Variants in NOL8 observed in about 807,000 individuals in gnomAD.
The protein encoded by NOL8 is nucleolar protein Nop132.
In NOL8, 93 loss-of-function variants were observed where a neutral mutation model predicts 116.1. That is an observed-to-expected ratio of 0.80 (90% CI 0.68 to 0.95). NOL8 has a LOEUF of 0.95. Among genes scored for constraint, NOL8 ranks in the 40% least tolerant of loss-of-function variants. The probability of loss-of-function intolerance (pLI) is 0.00; values close to 1 mark genes in which losing one functional copy is unlikely to be tolerated. For missense variants in NOL8, 1,291 were observed against 1,382.8 expected, an observed-to-expected ratio of 0.93 and a Z score of 1.05; for synonymous variants, 419 against 469.0, an observed-to-expected ratio of 0.89 and a Z score of 1.38.
rs764680607 is a variant in NOL8, at chr9:92,301,612, A to G, written c.3114T>C (p.Ala1038=). 4.4e-6 allele frequency: 7 copies of G among 1,608,980 alleles called. No homozygotes were observed. The highest frequency in any genetic ancestry group is 5.9e-6 in the Non-Finnish European group (7 of 1,178,298). ...IQDPAALTSD[A]EQPSGFTFSF... is the part of the protein sequence containing the mutation. ...AGAACGTGAACCCGCTGGGCTGCTC[A>G]GCGTCACTGGTCAGAGCTGCAGGGT... Residue 1038 remains alanine (A), a synonymous_variant, in exon 13 of 17, where the codon GCT becomes GCC. Transcript: ENST00000442668.
In NOL8 at chr9:92,319,270, A is replaced by G; in HGVS notation, c.368T>C (p.Val123Ala). The change falls in exon 5 of 17, where the codon GTG becomes GCG. Residue 123 changes from valine to alanine, a missense_variant. Transcript: ENST00000442668. ...NANLLEKTGG[V>A]DFHMKAVPGT... ...TGGCACAGCTTTCATATGGAAATCCACTCCTCCTGTCTTTTCTAACAAGTT... is the reference window on the plus strand; with the variant it reads ...TGGCACAGCTTTCATATGGAAATCCGCTCCTCCTGTCTTTTCTAACAAGTT... 1 of 1,589,784 alleles carries G rather than the reference A, an allele frequency of 6.3e-7. No individual in the cohort carries two copies. The highest frequency in any genetic ancestry group is 8.5e-7 in the Non-Finnish European group (1 of 1,170,702).
Position 92,318,996 on chromosome 9 carries a change from C to T in NOL8, c.417+225G>A, listed in dbSNP as rs941264460. Reference sequence around the variant, plus strand: ...TTGCTACCTATGTCCCTTGAAAGTCCACCTCTGCTTGAGTTTTGATTTCTT... The same window carrying T: ...TTGCTACCTATGTCCCTTGAAAGTCTACCTCTGCTTGAGTTTTGATTTCTT... On this transcript the variant is annotated intron_variant, in intron 5 of 16. Coordinates refer to ENST00000442668, the MANE Select transcript of NOL8 (RefSeq NM_017948.6). 9.2e-5 allele frequency: 48 copies of T among 522,236 alleles called. No individual in the cohort carries two copies. In the Admixed American group the frequency reaches 1.6e-3, roughly 18 times the overall value. 32.4% of individuals were successfully genotyped at this position (522,236 alleles called of 1,614,324 possible). A position where few individuals can be genotyped will look rare whatever the true frequency, so the allele number is the denominator to read the frequency against.
At chr9:92,310,024 G>A in intron 10 of NOL8, 147 bp downstream of exon 10, 1 of 602,140 alleles carries the variant, frequency 1.7e-6, no homozygotes, top group Non-Finnish European at 2.9e-6. Flanking sequence ...AACAAACTTA[G>A]TATTAACTGT....
At position 92,309,789 on chromosome 9, in the gene NOL8, C is replaced by T. The variant is rs375428834; in HGVS notation, c.2686+382G>A. On this transcript the variant is annotated intron_variant, in intron 10 of 16. Transcript: ENST00000442668. The stretch of plus-strand genomic sequence containing the variant: ...TAAAAAATAATCTGCACCAGGTATG[C>T]ACACTGGAGGACGATGAACACTGTT... 1.2e-4 allele frequency among the ~76,000 whole-genome samples: 18 copies of T among 152,142 alleles called. No individual in the cohort carries two copies. The East Asian group carries it at 2.7e-3, about 23-fold the overall frequency.
intron 9 of NOL8, 108 bp downstream of exon 9, chr9:92,310,445 C>T: frequency 7.5e-7 from 1 of 1,325,930 alleles, no homozygotes; most frequent in Non-Finnish European, 1.0e-6. Flanking sequence ...AATAAACACC[C>T]CGATGCTATA....
At position 92,299,973 on chromosome 9, in the gene NOL8, CCAGA is replaced by C. The variant is rs766557941; in HGVS notation, c.3215_3218del (p.Val1072GlyfsTer61). 1.2e-5 allele frequency: 19 copies of C among 1,613,550 alleles called. No homozygotes were observed. The highest frequency in any genetic ancestry group is 1.5e-5 in the Non-Finnish European group (18 of 1,179,622). On this transcript the variant is annotated frameshift_variant, in exon 14 of 17. Coordinates refer to ENST00000442668, the MANE Select transcript of NOL8 (RefSeq NM_017948.6). LOFTEE classifies it high-confidence loss of function. ...TGTCTTGTAAACGAGGGTCTTCCTGCCAGACAATCTTTCCAGGTTTCACTGTTTC... is the reference window on the plus strand; with the variant it reads ...TGTCTTGTAAACGAGGGTCTTCCTGCCAATCTTTCCAGGTTTCACTGTTTC...
intron 10 of NOL8, among the ~76,000 whole-genome samples, chr9:92,307,926 C>T (rs1222096521): frequency 6.6e-6 from 1 of 152,194 alleles, no homozygotes; most frequent in African/African-American, 2.4e-5. Context: ...AAAAAGTTTA[C>T]ACTGCATTAG....
chr9:92,300,011 A>AG lies in NOL8; in HGVS notation c.3180dup (p.Tyr1061LeufsTer4). On this transcript the variant is annotated frameshift_variant, in exon 14 of 17. Transcript: ENST00000442668. LOFTEE classifies it high-confidence loss of function. ...CCAGGTTTCACTGTTTCAACTCTGTAGGTCTCTATATCGTTATGACAACAA... is the reference window on the plus strand; with the variant it reads ...CCAGGTTTCACTGTTTCAACTCTGTAGGGTCTCTATATCGTTATGACAACAA... 1 of 1,613,044 alleles carries AG rather than the reference A, an allele frequency of 6.2e-7. No homozygotes were observed. The highest frequency in any genetic ancestry group is 1.3e-5 in the African/African-American group (1 of 75,012).
At chr9:92,319,092 A>C in intron 5 of NOL8, 129 bp downstream of exon 5, 2 of 943,708 alleles carry the variant, frequency 2.1e-6, no homozygotes, top group African/African-American at 3.5e-5. Flanking sequence ...ATAAAGTCCT[A>C]TCTATGTTAA....
chr9:92,323,940 T>G, intron 2 of NOL8, 83 bp downstream of exon 2: 2 of 1,458,058 alleles, frequency 1.4e-6, no homozygotes, highest in South Asian at 1.3e-5. Flanking sequence ...AGAGCTAACA[T>G]TTATCTTGGG....
intron 4 of NOL8, 50 bp downstream of exon 4, chr9:92,321,607 ATATAAAACCAC>A: frequency 1.1e-6 from 1 of 902,370 alleles, no homozygotes; most frequent in African/African-American, 1.7e-5. Flanking sequence ...TTGAAATAAT[ATATAAAACCAC>A]TTACAATATA....
intron 16 of NOL8, 138 bp from the exon 17 acceptor site, chr9:92,298,024 G>T: frequency 1.3e-6 from 1 of 780,492 alleles, no homozygotes; most frequent in East Asian, 2.7e-5. Flanking sequence ...ATGAAGAGGG[G>T]ATATTGGCAT....
Position 92,311,235 on chromosome 9 carries a change from T to C in NOL8, c.2383A>G (p.Thr795Ala). 3 of 1,613,842 alleles carry C rather than the reference T, an allele frequency of 1.9e-6. No individual in the cohort carries two copies. Among genetic ancestry groups the C allele is most frequent in the Non-Finnish European group, 2.5e-6 (3 of 1,179,790 alleles). ...CTGTCAGAACCGAAGATGATGTGCG[T>C]TGGCTTATCCTCTGGATGACCATCC... is the stretch of plus-strand genomic sequence containing the variant. The part of the protein sequence containing the change: ...NLDGHPEDKP[T>A]HIIFGSDSEC... Residue 795 changes from threonine to alanine, a missense_variant, in exon 8 of 17, where the codon ACG (threonine) becomes GCG (alanine). By Grantham distance (58) the Thr-to-Ala change is moderately conservative (BLOSUM62 0). Transcript: ENST00000442668.
intron 4 of NOL8, chr9:92,320,089 A>C (rs751707809): frequency 6.6e-6 from 3 of 456,108 alleles, no homozygotes; most frequent in South Asian, 4.6e-5. Context: ...CCCATGACGA[A>C]GGTATCTTTC....
rs1172258364 is a variant in NOL8 at position 92,311,503 on chromosome 9, C to A, written c.2359-244G>T. Among the ~76,000 whole-genome samples, 5 of 152,064 alleles carry A rather than the reference C, an allele frequency of 3.3e-5. No homozygotes were observed. In the South Asian group the frequency reaches 8.3e-4, roughly 25 times the overall value. ...TCTATAAGGAACTTAAACAAATCAA[C>A]AAGCAAAAAACAAACAACCCTAGTG... On this transcript the variant is annotated intron_variant, in intron 7 of 16. Coordinates refer to ENST00000442668, the MANE Select transcript of NOL8 (RefSeq NM_017948.6).
chr9:92,301,322 C>T (rs1837724865), intron 13 of NOL8, among the ~76,000 whole-genome samples: 1 of 152,080 alleles, frequency 6.6e-6, no homozygotes, highest in Admixed American at 6.5e-5. Context: ...CTCTGGCTTC[C>T]CTTCATATGG....
At position 92,315,265 on chromosome 9, in the gene NOL8, T is replaced by C. The variant is rs1317821837; in HGVS notation, c.1360A>G (p.Ser454Gly). 1 of 1,613,798 alleles carries C rather than the reference T, an allele frequency of 6.2e-7. No individual in the cohort carries two copies. Among genetic ancestry groups the C allele is most frequent in the Non-Finnish European group, 8.5e-7 (1 of 1,179,674 alleles). ...GCAGAATCAGCATCTTCACTGCTAC[T>C]GGAGTGAGAGGGAGATTTACGATTA... ...SLNRKSPSHS[S>G]SSEDADSASE... Residue 454 changes from serine (S) to glycine (G), a missense_variant, in exon 7 of 17, where the codon AGT becomes GGT. By Grantham distance (56) the Ser-to-Gly change is moderately conservative (BLOSUM62 0). Transcript: ENST00000442668.
At chr9:92,317,429 A>G (rs1839511238) in intron 6 of NOL8, among the ~76,000 whole-genome samples, 2 of 152,236 alleles carry the variant, frequency 1.3e-5, no homozygotes. Flanking sequence ...AGAAGAAATC[A>G]GTACTTTCCT....
At chr9:92,306,632 T>G (rs1374520061) in intron 11 of NOL8, among the ~76,000 whole-genome samples, 1 of 151,818 alleles carries the variant, frequency 6.6e-6, no homozygotes, top group Admixed American at 6.6e-5. Context: ...AGTTACTATT[T>G]AAACTGTTTC....
Sources: gnomAD v4.1 joint callset for allele counts (sites outside exome capture counted in the v4.1 genomes callset) on GRCh38, gnomAD v4.1.1 for gene constraint, MANE v1.5 for transcripts, NCBI Gene and HGNC (gene_info 2026-07-23, HGNC 2026-07-21) for gene names.